Variants in SORBS2 observed in about 807,000 individuals in gnomAD.
SORBS2 encodes the protein sorbin and SH3 domain-containing protein 2.
A neutral mutation model predicts 97.7 loss-of-function variants in SORBS2; 46 were observed. The observed-to-expected ratio is 0.47, with a 90% CI of 0.37 to 0.60. The LOEUF is 0.60. SORBS2 is among the 20% of genes least tolerant of loss of function. The probability of loss-of-function intolerance (pLI) is 0.00; values close to 1 mark genes in which losing one functional copy is unlikely to be tolerated. For missense variants in SORBS2, 1,316 were observed against 1,282.3 expected (o/e 1.03, Z -0.40); for synonymous variants, 476 against 473.4 (o/e 1.01, Z -0.07).
At chr4:185,691,846 G>A (rs551150844) in intron 2 of SORBS2, among the ~76,000 whole-genome samples, 37 of 152,150 alleles carry the variant, frequency 2.4e-4, no homozygotes, top group Admixed American at 6.5e-4. Flanking sequence ...CCGGGCTCAC[G>A]CCATTCTTCT....
At chr4:185,718,617 A>G (rs2098485289) in intron 2 of SORBS2, among the ~76,000 whole-genome samples, 1 of 152,338 alleles carries the variant, frequency 6.6e-6, no homozygotes, top group South Asian at 2.1e-4. Flanking sequence ...CTGATTGAGC[A>G]TATCCTGTGC....
chr4:185,848,597 A>C (rs190813648), intron 1 of SORBS2, among the ~76,000 whole-genome samples: 56 of 142,874 alleles, frequency 3.9e-4, no homozygotes, highest in Admixed American at 1.1e-3. Context: ...CAGGTTTTAA[A>C]TGTTCTTTAT....
At position 185,680,001 on chromosome 4, in the gene SORBS2, A is replaced by G. The variant is rs2097847795; in HGVS notation, c.-197-1179T>C. ...AATGATTCCAGCTCAGGTGAGCTAG[A>G]GAAGACTAATGAATTCCCATTCTTT... On this transcript the variant is annotated intron_variant, in intron 2 of 20. Coordinates refer to the SORBS2 transcript ENST00000284776. Among the ~76,000 whole-genome samples, 3 of 152,228 alleles carry G rather than the reference A, an allele frequency of 2.0e-5. No homozygotes were observed. In the South Asian group the frequency reaches 6.2e-4, roughly 32 times the overall value.
chr4:185,914,557 T>G (rs1016062431), intron 1 of SORBS2, among the ~76,000 whole-genome samples: 5 of 152,222 alleles, frequency 3.3e-5, no homozygotes, highest in African/African-American at 1.2e-4. Flanking sequence ...TATCTGGGAT[T>G]TGGGGCTGAA....
chr4:185,840,864 C>A (rs1407411169), intron 1 of SORBS2, among the ~76,000 whole-genome samples: 1 of 151,850 alleles, frequency 6.6e-6, no homozygotes, highest in African/African-American at 2.4e-5. Context: ...TGACTCATAT[C>A]ATCAGAACAG....
intron 2 of SORBS2, among the ~76,000 whole-genome samples, chr4:185,731,892 A>C (rs1197400146): frequency 1.2e-3 from 109 of 94,724 alleles, no homozygotes; most frequent in Non-Finnish European, 1.8e-3. Context: ...ATATATATAT[A>C]TATATATATA....
chr4:185,781,499 C>G (rs1287596614), intron 1 of SORBS2, among the ~76,000 whole-genome samples: 1 of 151,988 alleles, frequency 6.6e-6, no homozygotes, highest in African/African-American at 2.4e-5. Flanking sequence ...TCCAGCCTCT[C>G]TAGCCTCCCT....
chr4:185,841,960 C>T (rs965331823), intron 1 of SORBS2, among the ~76,000 whole-genome samples: 4 of 152,322 alleles, frequency 2.6e-5, no homozygotes, highest in African/African-American at 9.6e-5. Flanking sequence ...ATTCATTCAG[C>T]ATTCATGATT....
At chr4:185,624,163 G>A in exon 7 of SORBS2, 1 of 1,614,256 alleles carries the variant, frequency 6.2e-7, no homozygotes, top group Non-Finnish European at 8.5e-7. Context: ...ACGCCATGGG[G>A]CAGCTCTCCT....
At chr4:185,612,071 C>T in intron 11 of SORBS2, 91 bp from the exon 24 acceptor site, 2 of 1,017,458 alleles carry the variant, frequency 2.0e-6, no homozygotes, top group Non-Finnish European at 2.9e-6. Context: ...AAATAGGTTT[C>T]CATTTGGGCA....
intron 1 of SORBS2, among the ~76,000 whole-genome samples, chr4:185,818,572 T>C (rs994358437): frequency 2.0e-5 from 3 of 152,156 alleles, no homozygotes; most frequent in African/African-American, 7.2e-5. Flanking sequence ...GGACATTTCC[T>C]GCATCAAAGG....
At chr4:185,799,294 C>G (rs116705417) in intron 1 of SORBS2, among the ~76,000 whole-genome samples, 1 of 152,132 alleles carries the variant, frequency 6.6e-6, no homozygotes, top group East Asian at 1.9e-4. Context: ...TTAGCAACTC[C>G]TTTCCATTGT....
intron 8 of SORBS2, 115 bp downstream of exon 20, chr4:185,619,948 C>A: frequency 1.3e-6 from 1 of 746,090 alleles, no homozygotes; most frequent in Non-Finnish European, 2.4e-6. Context: ...TCTAGTTTCT[C>A]AGTATTTTCA....
At position 185,615,804 on chromosome 4, in the gene SORBS2, G is replaced by T. The variant is rs180759110; in HGVS notation, c.2352-645C>A. Among the ~76,000 whole-genome samples the T allele has an allele frequency of 3.3e-5, 5 of 152,230 alleles. No individual in the cohort carries two copies. In the East Asian group the frequency reaches 9.6e-4, roughly 29 times the overall value. On this transcript the variant is annotated intron_variant, in intron 9 of 14. Coordinates refer to ENST00000418609, the Ensembl canonical transcript of SORBS2. ...AGTGCAAAGACATATGCCAATGCTT[G>T]CCTTTCTATCTTTTATTTACAAAAA...
At chr4:185,855,476 A>C (rs1199361629) in intron 1 of SORBS2, among the ~76,000 whole-genome samples, 1 of 152,112 alleles carries the variant, frequency 6.6e-6, no homozygotes, top group African/African-American at 2.4e-5. Context: ...TAACCACTTG[A>C]AATCCCTGGA....
At chr4:185,791,203 T>C (rs1345810236) in intron 1 of SORBS2, among the ~76,000 whole-genome samples, 15 of 152,214 alleles carry the variant, frequency 9.9e-5, no homozygotes, top group Admixed American at 9.8e-4. Context: ...TACCATGCAA[T>C]GGTAAGTATA....
intron 1 of SORBS2, among the ~76,000 whole-genome samples, chr4:185,803,274 ATCTCTTTGT>A (rs1232221494): frequency 6.6e-6 from 1 of 152,172 alleles, no homozygotes. Flanking sequence ...TCTGATCATA[ATCTCTTTGT>A]TCCTGACAGT....
At chr4:185,735,594 T>A (rs1172248424) in intron 2 of SORBS2, among the ~76,000 whole-genome samples, 1 of 152,074 alleles carries the variant, frequency 6.6e-6, no homozygotes, top group African/African-American at 2.4e-5. Flanking sequence ...TCATAAATAA[T>A]ATCTGATGAT....
At chr4:185,794,580 G>C (rs2099096513) in intron 1 of SORBS2, among the ~76,000 whole-genome samples, 1 of 152,072 alleles carries the variant, frequency 6.6e-6, no homozygotes. Flanking sequence ...GTGTTTCCTG[G>C]GTCCAGTTCT....
Sources: gnomAD v4.1 joint callset for allele counts (sites outside exome capture counted in the v4.1 genomes callset) on GRCh38, gnomAD v4.1.1 for gene constraint, MANE v1.5 for transcripts, NCBI Gene and HGNC (gene_info 2026-07-23, HGNC 2026-07-21) for gene names.